The following ZNF251 variants were observed in gnomAD, a reference collection of about 807,000 sequenced individuals.
ZNF251 encodes zinc finger protein 251.
A neutral mutation model predicts 13.5 loss-of-function variants in ZNF251; 14 were observed. The observed-to-expected ratio is 1.04, with a 90% CI of 0.69 to 1.63. ZNF251 has a LOEUF of 1.63. ZNF251 is among the 40% of genes most tolerant of loss of function. The pLI, the probability that ZNF251 is intolerant of heterozygous loss-of-function variation, is 0.00. For synonymous variants in ZNF251, 287 were observed against 295.2 expected (o/e 0.97, Z 0.28); for missense variants, 764 against 834.9 (o/e 0.92, Z 1.05).
chr8:144,730,086 T>G (rs1230302431), intron 4 of ZNF251: 3 of 985,288 alleles, frequency 3.0e-6, no homozygotes, highest in Non-Finnish European at 1.2e-6. Context: ...GCAGTGCCTC[T>G]CCCTTCGTAC....
rs1336240585 is a variant in ZNF251 at position 144,728,445 on chromosome 8, C to T, written c.278-5063G>A. On this transcript the variant is annotated intron_variant, in intron 4 of 4. Transcript: ENST00000292562. ...TTGGGAGGCCGAGACGGGCGGATCACGAGGTCAGGAGATCGAGACCATCCT... is the reference window on the plus strand; with the variant it reads ...TTGGGAGGCCGAGACGGGCGGATCATGAGGTCAGGAGATCGAGACCATCCT... Among the ~76,000 whole-genome samples, 8 of 151,976 alleles carry T rather than the reference C, an allele frequency of 5.3e-5. No homozygotes were observed. The East Asian group carries it at 1.2e-3, about 22-fold the overall frequency.
intron 4 of ZNF251, among the ~76,000 whole-genome samples, chr8:144,735,876 G>A (rs1258846642): frequency 1.3e-5 from 2 of 152,148 alleles, no homozygotes; most frequent in Non-Finnish European, 2.9e-5. Flanking sequence ...GACAAGACTT[G>A]TGCAAAGGTG....
rs180790117 is a variant in ZNF251, at chr8:144,747,773, C to T, written c.277+5910G>A. 3.1e-3 allele frequency among the ~76,000 whole-genome samples: 467 copies of T among 152,228 alleles called. 3 individuals are homozygous for T. The highest frequency in any genetic ancestry group is 0.01 in the African/African-American group (424 of 41,536). ...GATTACAGGCATGAGCCACCACGCC[C>T]GGCTAATTTTGTATTTTTAGTAGAG... On this transcript the variant is annotated intron_variant, in intron 4 of 4. Transcript: ENST00000292562.
Position 144,724,536 on chromosome 8 carries a change from A to G in ZNF251, c.278-1154T>C, listed in dbSNP as rs114630538. 3.7e-3 allele frequency among the ~76,000 whole-genome samples: 564 copies of G among 152,200 alleles called. 3 individuals are homozygous for G. Among genetic ancestry groups the G allele is most frequent in the African/African-American group, 0.013 (543 of 41,530 alleles). ...TAAAAAGCTGACAATATGTAGCCAA[A>G]AAATTGATATCTCACACACCCTTTG... On this transcript the variant is annotated intron_variant, in intron 4 of 4. Transcript: ENST00000292562.
chr8:144,724,859 G>A (rs983414834), intron 4 of ZNF251, among the ~76,000 whole-genome samples: 1 of 152,198 alleles, frequency 6.6e-6, no homozygotes, highest in African/African-American at 2.4e-5. Context: ...AGATATATAT[G>A]TAAGATAGTT....
In ZNF251 at chr8:144,740,061, A is replaced by G. The variant is rs189769430; in HGVS notation, c.277+13622T>C. On this transcript the variant is annotated intron_variant, in intron 4 of 4. Coordinates refer to ENST00000292562, the MANE Select transcript of ZNF251 (RefSeq NM_138367.2). ...AGCACTTTGGGAGGCCGAGGCGGGC[A>G]GATCACCTGAGGTCCGGAGTTCGAG... Among the ~76,000 whole-genome samples, 659 of 149,516 alleles carry G rather than the reference A, an allele frequency of 4.4e-3. 2 individuals carry two copies. The highest frequency in any genetic ancestry group is 0.015 in the African/African-American group (589 of 40,594).
At chr8:144,732,614 C>CGTCCTGGCCGCCTGT in intron 4 of ZNF251, among the ~76,000 whole-genome samples, 1 of 151,146 alleles carries the variant, frequency 6.6e-6, no homozygotes, top group South Asian at 2.1e-4. Flanking sequence ...AGATGGAGAC[C>CGTCCTGGCCGCCTGT]ATCCTGGCCA....
chr8:144,738,282 A>C (rs1429693854), intron 4 of ZNF251, among the ~76,000 whole-genome samples: 1 of 152,160 alleles, frequency 6.6e-6, no homozygotes, highest in Non-Finnish European at 1.5e-5. Context: ...TGAACTCAAC[A>C]AGCCCCAAAG....
intron 4 of ZNF251, among the ~76,000 whole-genome samples, chr8:144,737,012 C>T (rs1187008131): frequency 1.3e-5 from 2 of 151,870 alleles, no homozygotes; most frequent in African/African-American, 4.8e-5. Context: ...CCATGTTGGC[C>T]AGGCTGGTCT....
At chr8:144,747,859 G>A (rs1174295943) in intron 4 of ZNF251, among the ~76,000 whole-genome samples, 3 of 152,080 alleles carry the variant, frequency 2.0e-5, no homozygotes, top group East Asian at 1.9e-4. Context: ...TGATCCACCC[G>A]CCTCGGCCTC....
At chr8:144,733,745 T>G (rs1229004003) in intron 4 of ZNF251, among the ~76,000 whole-genome samples, 1 of 152,170 alleles carries the variant, frequency 6.6e-6, no homozygotes, top group Non-Finnish European at 1.5e-5. Flanking sequence ...AGGCGTGCCG[T>G]GTACCCCCAA....
chr8:144,745,212 C>T (rs1176219919), intron 4 of ZNF251, among the ~76,000 whole-genome samples: 7 of 135,946 alleles, frequency 5.1e-5, no homozygotes, highest in South Asian at 2.4e-4. Flanking sequence ...TTTTTTGGCA[C>T]GTGGATGTTC....
intron 4 of ZNF251, among the ~76,000 whole-genome samples, chr8:144,751,416 A>G (rs1409386203): frequency 1.3e-5 from 2 of 152,236 alleles, no homozygotes; most frequent in Admixed American, 6.5e-5. Context: ...TGTATTACAC[A>G]TAACAACTAT....
chr8:144,734,664 A>G lies in ZNF251; in HGVS notation c.278-11282T>C, dbSNP rs1009616262. Among the ~76,000 whole-genome samples, 2 of 152,246 alleles carry G rather than the reference A, an allele frequency of 1.3e-5. No individual in the cohort carries two copies. The highest frequency in any genetic ancestry group is 2.9e-5 in the Non-Finnish European group (2 of 68,044). On this transcript the variant is annotated intron_variant, in intron 4 of 4. Coordinates refer to ENST00000292562, the MANE Select transcript of ZNF251 (RefSeq NM_138367.2). This position sits in a 1 kb window ranked among gnomAD's most constrained non-coding sequence, Gnocchi z 4.4. ...CGCTGCCTGAAAGGTAGGGACACAC[A>G]GAGGTCACCCTCAGATTCTTCTGGT...
At chr8:144,754,971 C>T in intron 1 of ZNF251, 168 bp from the exon 2 acceptor site, 1 of 1,398,052 alleles carries the variant, frequency 7.2e-7, no homozygotes, top group Non-Finnish European at 9.2e-7. Flanking sequence ...AATCCCAGAA[C>T]GGCCAGAGCC....
Position 144,724,547 on chromosome 8 carries a change from C to T in ZNF251, c.278-1165G>A, listed in dbSNP as rs573132546. Among the ~76,000 whole-genome samples, 14 of 152,210 alleles carry T rather than the reference C, an allele frequency of 9.2e-5. No homozygotes were observed. In the South Asian group the frequency reaches 2.3e-3, roughly 25 times the overall value. On this transcript the variant is annotated intron_variant, in intron 4 of 4. Transcript: ENST00000292562. ...CAATATGTAGCCAAAAAATTGATAT[C>T]TCACACACCCTTTGTCCCCCAAACT...
At chr8:144,732,798 C>A (rs1368393339) in intron 4 of ZNF251, among the ~76,000 whole-genome samples, 1 of 118,924 alleles carries the variant, frequency 8.4e-6, no homozygotes, top group Non-Finnish European at 1.7e-5. Context: ...GGCGACAGAG[C>A]GAGACTCCGT....
At chr8:144,744,299 G>A (rs71520591) in intron 4 of ZNF251, among the ~76,000 whole-genome samples, 8 of 152,214 alleles carry the variant, frequency 5.3e-5, no homozygotes, top group Middle Eastern at 3.4e-3. Flanking sequence ...TTACAGAGCA[G>A]AAGTTTTTCA....
chr8:144,742,268 G>A (rs1166011897), intron 4 of ZNF251, among the ~76,000 whole-genome samples: 1 of 151,974 alleles, frequency 6.6e-6, no homozygotes, highest in Non-Finnish European at 1.5e-5. Flanking sequence ...TAAGAACTGG[G>A]GCAGCAGACT....
Sources: allele counts gnomAD v4.1 joint callset (sites outside exome capture counted in the v4.1 genomes callset), GRCh38; gene constraint gnomAD v4.1.1; non-coding constraint Gnocchi (gnomAD v3.1); transcripts MANE v1.5; gene names NCBI Gene and HGNC (gene_info 2026-07-23, HGNC 2026-07-21).